Variants in TSGA10IP observed in about 807,000 individuals in gnomAD.
The protein encoded by TSGA10IP is testis specific 10 interacting protein, also known as testis-specific protein 10-interacting protein.
Under a neutral mutation model 63.2 loss-of-function variants are expected in TSGA10IP, and 64 were observed. The observed-to-expected ratio is 1.01, with a 90% CI of 0.83 to 1.25. TSGA10IP has a LOEUF of 1.25. TSGA10IP is among the 50% of genes most tolerant of loss of function. TSGA10IP has a pLI of 0.00. For missense variants in TSGA10IP, 681 were observed against 710.1 expected (o/e 0.96, Z 0.47); for synonymous variants, 316 against 298.3 (o/e 1.06, Z -0.61).
intron 4 of TSGA10IP, among the ~76,000 whole-genome samples, chr11:65,951,452 A>G (rs2134874184): frequency 6.6e-6 from 1 of 151,466 alleles, no homozygotes; most frequent in East Asian, 1.9e-4. Context: ...ATGATTAGTG[A>G]TTAGTGATGA....
In TSGA10IP at chr11:65,953,652, CGGCAGGTGGCCCACTGCCT is replaced by C; in HGVS notation, c.1243_1261del (p.Val415ProfsTer20). On this transcript the variant is annotated frameshift_variant, in exon 5 of 8. Transcript: ENST00000532620. LOFTEE classifies it high-confidence loss of function. ...GCGGGCCCGGACACAGCATGTACAG[CGGCAGGTGGCCCACTGCCT>C]GGCAGCCTACGCACCCAGAGGGAGC... 1 of 1,589,764 alleles carries C rather than the reference CGGCAGGTGGCCCACTGCCT, an allele frequency of 6.3e-7. No individual in the cohort carries two copies. The highest frequency in any genetic ancestry group is 8.5e-7 in the Non-Finnish European group (1 of 1,172,110).
intron 4 of TSGA10IP, among the ~76,000 whole-genome samples, chr11:65,950,793 A>G (rs1307384571): frequency 6.6e-6 from 1 of 151,830 alleles, no homozygotes; most frequent in African/African-American, 2.4e-5. Context: ...CGCTATCCTG[A>G]CCTCGTGATC....
In TSGA10IP at chr11:65,945,798, G is replaced by C. The variant is rs779394326; in HGVS notation, c.123G>C (p.Leu41=). 2.5e-6 allele frequency: 4 copies of C among 1,613,976 alleles called. No individual in the cohort carries two copies. The Admixed American group carries it at 6.7e-5, about 27-fold the overall frequency. Residue 41 remains leucine (L), a synonymous_variant, in exon 1 of 8, where the codon CTG becomes CTC. Transcript: ENST00000532620. ...CCAGAACGGGGCTGCTCAAGCTGCT[G>C]TCGACCGTCTCTCAGGACAAGCAGG... is the stretch of plus-strand genomic sequence containing the variant.
At chr11:65,953,815 G>A (rs576368171) in intron 5 of TSGA10IP, 78 bp downstream of exon 5, 30 of 1,245,936 alleles carry the variant, frequency 2.4e-5, no homozygotes, top group Non-Finnish European at 3.0e-5. Context: ...ACAGGACCGA[G>A]GAGCACCAGC....
intron 5 of TSGA10IP, among the ~76,000 whole-genome samples, chr11:65,956,881 T>C (rs909652524): frequency 3.3e-5 from 5 of 152,150 alleles, no homozygotes; most frequent in African/African-American, 9.7e-5. Context: ...GAACTCCAAG[T>C]GGCAGGTGCA....
In TSGA10IP at chr11:65,959,705, G is replaced by A. The variant is rs539717642; in HGVS notation, c.1548-112G>A. On this transcript the variant is annotated intron_variant, in intron 7 of 7. Coordinates refer to ENST00000532620, the Ensembl canonical transcript of TSGA10IP. The stretch of plus-strand genomic sequence containing the variant: ...ACTCGAGAAGAGTCACTTTGCCCAG[G>A]ATCACACAGCAAGCCGGCACTGAAG... 3.2e-5 allele frequency: 46 copies of A among 1,419,276 alleles called. No homozygotes were observed. The Admixed American group carries it at 9.1e-4, about 28-fold the overall frequency. The allele number at this position is 1,419,276 out of a possible 1,614,324, so 87.9% of individuals were successfully genotyped here.
rs1188146247 is a variant in TSGA10IP at position 65,959,862 on chromosome 11, GC to G, written c.1598del (p.Pro533GlnfsTer?). On this transcript the variant is annotated frameshift_variant, in exon 8 of 8. Transcript: ENST00000532620. LOFTEE classifies it low-confidence loss of function (END_TRUNC). ...TGAGAATGGAGCACTCTCCTCAGAG[GC>G]CCCCAAGGACAGAACCCACCGGCAG... is the stretch of plus-strand genomic sequence containing the variant. 1.3e-6 allele frequency: 2 copies of G among 1,599,522 alleles called. No individual in the cohort carries two copies. The highest frequency in any genetic ancestry group is 1.7e-6 in the Non-Finnish European group (2 of 1,173,620).
intron 6 of TSGA10IP, 60 bp downstream of exon 6, chr11:65,959,042 T>C: frequency 1.3e-6 from 2 of 1,592,838 alleles, no homozygotes; most frequent in Non-Finnish European, 1.7e-6. Context: ...GCTGAGTGGG[T>C]AGGGAAGCAG....
intron 4 of TSGA10IP, among the ~76,000 whole-genome samples, chr11:65,952,002 A>C (rs1854950821): frequency 6.6e-6 from 1 of 152,078 alleles, no homozygotes; most frequent in South Asian, 2.1e-4. Context: ...GACGTACATC[A>C]CGAGGTCTGC....
chr11:65,956,417 G>A lies in TSGA10IP; in HGVS notation c.1323-2466G>A, dbSNP rs569441744. ...CTCCCAAAGTGCTAGGATTACAGGC[G>A]TGAGCCACCGCGCCCGGCCGAGGCT... On this transcript the variant is annotated intron_variant, in intron 5 of 7. Coordinates refer to ENST00000532620, the Ensembl canonical transcript of TSGA10IP. Among the ~76,000 whole-genome samples the A allele has an allele frequency of 2.4e-4, 37 of 152,218 alleles. 2 individuals carry two copies. In the South Asian group the frequency reaches 7.5e-3, roughly 31 times the overall value.
At chr11:65,947,598 A>G in exon 3 of TSGA10IP, 1 of 1,613,798 alleles carries the variant, frequency 6.2e-7, no homozygotes, top group Non-Finnish European at 8.5e-7. Flanking sequence ...GAGGCTGAGG[A>G]GGGAGAGCAC....
Position 65,953,489 on chromosome 11 carries a change from C to G in TSGA10IP, c.1152-78C>G. 2.7e-6 allele frequency: 4 copies of G among 1,473,454 alleles called. No homozygotes were observed. In the East Asian group the frequency reaches 1.0e-4, roughly 37 times the overall value. 91.3% of individuals were successfully genotyped at this position (1,473,454 alleles called of 1,614,324 possible). ...GCCCCTCCCCACAGGCTTCCATATT[C>G]CCTTATCCAGCCCCTGGCCCTCCGT... On this transcript the variant is annotated intron_variant, in intron 4 of 7. Transcript: ENST00000532620.
chr11:65,947,846 A>G lies in TSGA10IP; in HGVS notation c.1003+18A>G. On this transcript the variant is annotated intron_variant, in intron 3 of 7. Coordinates refer to ENST00000532620, the Ensembl canonical transcript of TSGA10IP. ...GGACTGTGGTGAGCGTGGGGCTCAGAGCCTGGATTCCCCCGAAGCTACACC... is the reference window on the plus strand; with the variant it reads ...GGACTGTGGTGAGCGTGGGGCTCAGGGCCTGGATTCCCCCGAAGCTACACC... 6.5e-7 allele frequency: 1 copy of G among 1,532,418 alleles called. No homozygotes were observed. The highest frequency in any genetic ancestry group is 8.8e-7 in the Non-Finnish European group (1 of 1,138,328). 94.9% of individuals were successfully genotyped at this position (1,532,418 alleles called of 1,614,324 possible).
intron 4 of TSGA10IP, among the ~76,000 whole-genome samples, chr11:65,949,420 AT>A (rs71036256): frequency 1.5e-3 from 219 of 144,886 alleles, no homozygotes; most frequent in African/African-American, 5.3e-3. Flanking sequence ...GCACCCCACA[AT>A]TTTTTTTTTT....
intron 7 of TSGA10IP, among the ~76,000 whole-genome samples, chr11:65,959,517 C>T (rs994636212): frequency 5.9e-5 from 9 of 152,164 alleles, no homozygotes; most frequent in East Asian, 1.9e-4. Flanking sequence ...GACGCAGGAG[C>T]GAACAAGCAG....
chr11:65,946,814 G>C lies in TSGA10IP; in HGVS notation c.148-66G>C. On this transcript the variant is annotated intron_variant, in intron 1 of 7. Transcript: ENST00000532620. ...CCAGGTGCACAGAGGGAGCACCCGG[G>C]TGAGGTGCAACACAGTCCAGGAGGC... 2.6e-6 allele frequency: 4 copies of C among 1,553,082 alleles called. No individual in the cohort carries two copies. The South Asian group carries it at 3.5e-5, about 14-fold the overall frequency.
intron 5 of TSGA10IP, among the ~76,000 whole-genome samples, chr11:65,955,485 C>T (rs1398418880): frequency 1.3e-5 from 2 of 151,858 alleles, no homozygotes; most frequent in South Asian, 2.1e-4. Flanking sequence ...TAGTGGCGCG[C>T]GACTGTAGTC....
At chr11:65,956,539 C>T (rs1565308729) in intron 5 of TSGA10IP, among the ~76,000 whole-genome samples, 1 of 151,434 alleles carries the variant, frequency 6.6e-6, no homozygotes, top group Non-Finnish European at 1.5e-5. Flanking sequence ...TTAGGGGGAT[C>T]CTTTCTCCTT....
intron 5 of TSGA10IP, among the ~76,000 whole-genome samples, chr11:65,958,520 T>C (rs541704394): frequency 3.3e-5 from 5 of 151,918 alleles, no homozygotes; most frequent in Non-Finnish European, 7.4e-5. Flanking sequence ...GGAAAGAGGA[T>C]GGGGAGGGGA....
Sources: allele counts gnomAD v4.1 joint callset (sites outside exome capture counted in the v4.1 genomes callset), GRCh38; gene constraint gnomAD v4.1.1; transcripts MANE v1.5; gene names NCBI Gene and HGNC (gene_info 2026-07-23, HGNC 2026-07-21).